The following MRPS18B variants were observed in gnomAD, a reference collection of about 807,000 sequenced individuals.
MRPS18B encodes the protein small ribosomal subunit protein mS40.
A neutral mutation model predicts 28.4 loss-of-function variants in MRPS18B; 27 were observed. That is an observed-to-expected ratio of 0.95 (90% confidence interval 0.70 to 1.31). The LOEUF is 1.31. MRPS18B is among the 40% of genes most tolerant of loss of function. The pLI, the probability that MRPS18B is intolerant of heterozygous loss-of-function variation, is 0.00. For synonymous variants in MRPS18B, 118 were observed against 123.7 expected (o/e 0.95, Z 0.30); for missense variants, 343 against 335.9 (o/e 1.02, Z -0.17).
Position 30,620,005 on chromosome 6 carries a change from T to C in MRPS18B, c.354+16T>C. ...TGACTTTAGGGTAAGGAGAGTCTTTTCTTTTTAGGGTAAGAAAAATAAAGA... is the reference window on the plus strand; with the variant it reads ...TGACTTTAGGGTAAGGAGAGTCTTTCCTTTTTAGGGTAAGAAAAATAAAGA... On this transcript the variant is annotated intron_variant, in intron 4 of 6. Transcript: ENST00000259873. The C allele has an allele frequency of 2.5e-6, 4 of 1,611,770 alleles. No individual in the cohort carries two copies. The highest frequency in any genetic ancestry group is 3.4e-6 in the Non-Finnish European group (4 of 1,177,930).
At chr6:30,618,073 T>G in intron 1 of MRPS18B, 130 bp downstream of exon 1, 1 of 834,046 alleles carries the variant, frequency 1.2e-6, no homozygotes, top group Non-Finnish European at 1.9e-6. Context: ...CAGTACTTCC[T>G]GCAACCCCCC....
In MRPS18B at chr6:30,619,586, T is replaced by C. The variant is rs762025472; in HGVS notation, c.172T>C (p.Tyr58His). 1.2e-6 allele frequency: 2 copies of C among 1,612,760 alleles called. No individual in the cohort carries two copies. The highest frequency in any genetic ancestry group is 3.3e-5 in the Admixed American group (2 of 60,014). ...ISPYKDEPWK[Y>H]LESEEYQERY... ...TCCTTATAAGGATGAGCCCTGGAAA[T>C]ATCTGGAATCAGAAGGTACCTCTAA... Residue 58 changes from tyrosine (Y) to histidine (H), a missense_variant, in exon 2 of 7, where the codon TAT (tyrosine) becomes CAT (histidine). Coordinates refer to ENST00000259873, the MANE Select transcript of MRPS18B (RefSeq NM_014046.4).
chr6:30,620,345 A>G (rs578168995), intron 4 of MRPS18B, among the ~76,000 whole-genome samples: 1 of 151,988 alleles, frequency 6.6e-6, no homozygotes, highest in Non-Finnish European at 1.5e-5. Context: ...AATAAAAAAA[A>G]TTAAAAAGAA....
intron 6 of MRPS18B, 96 bp downstream of exon 6, chr6:30,625,038 A>G (rs1761415441): frequency 2.3e-6 from 3 of 1,325,936 alleles, no homozygotes; most frequent in Non-Finnish European, 3.2e-6. Flanking sequence ...CCTGTTCAAG[A>G]TGGTAGCACC....
chr6:30,625,046 A>AC, intron 6 of MRPS18B, 104 bp downstream of exon 6: 1 of 1,244,664 alleles, frequency 8.0e-7, no homozygotes, highest in Middle Eastern at 1.9e-4. Flanking sequence ...AGATGGTAGC[A>AC]CCCAGCATGT....
Position 30,625,670 on chromosome 6 carries a change from G to A in MRPS18B, c.650G>A (p.Arg217His), listed in dbSNP as rs974405067. 15 of 1,612,888 alleles carry A rather than the reference G, an allele frequency of 9.3e-6. No homozygotes were observed. The highest frequency in any genetic ancestry group is 1.6e-4 in the Middle Eastern group (1 of 6,084). Residue 217 changes from arginine to histidine, a missense_variant, in exon 7 of 7, where the codon CGC becomes CAC. Arg to His is a conservative substitution (Grantham distance 29, BLOSUM62 0). Transcript: ENST00000259873. ...QPPERELSRLRRLYQGHLQEE... is the reference protein window; with the variant it reads ...QPPERELSRLHRLYQGHLQEE... ...CCGGAGAGAGAACTGTCTCGCCTTC[G>A]CCGGCTTTACCAGGGTCATCTCCAA...
chr6:30,621,962 C>T (rs948584955), intron 4 of MRPS18B, among the ~76,000 whole-genome samples: 1 of 151,950 alleles, frequency 6.6e-6, no homozygotes, highest in East Asian at 1.9e-4. Context: ...CAAAACAAAA[C>T]AGAGATTATA....
rs544685239 is a variant in MRPS18B, at chr6:30,622,692, G to A, written c.355-140G>A. ...TGATGAAGCCAAACTGGGACATGAA[G>A]GAGGATGGCATCTGGAGAGCTGTAG... On this transcript the variant is annotated intron_variant, in intron 4 of 6. Transcript: ENST00000259873. The A allele has an allele frequency of 1.1e-4, 80 of 716,924 alleles. No individual in the cohort carries two copies. In the South Asian group the frequency reaches 1.2e-3, roughly 11 times the overall value. 44.4% of individuals were successfully genotyped at this position (716,924 alleles called of 1,614,324 possible).
intron 6 of MRPS18B, 45 bp downstream of exon 6, chr6:30,624,987 G>A (rs1319409228): frequency 6.2e-7 from 1 of 1,604,726 alleles, no homozygotes; most frequent in Non-Finnish European, 8.5e-7. Context: ...TAGGTATAAG[G>A]AAGATGACTT....
intron 6 of MRPS18B, 103 bp downstream of exon 6, chr6:30,625,045 C>T: frequency 8.0e-7 from 1 of 1,256,748 alleles, no homozygotes; most frequent in Non-Finnish European, 1.1e-6. Context: ...AAGATGGTAG[C>T]ACCCAGCATG....
chr6:30,622,907 A>C lies in MRPS18B; in HGVS notation c.421+9A>C, dbSNP rs1461533322. On this transcript the variant is annotated intron_variant, in intron 5 of 6. Transcript: ENST00000259873. ...CTATGCTCCATACACAGGTTAGCCCATCATCCCTGCACCACCAGAGAGCTT... is the reference window on the plus strand; with the variant it reads ...CTATGCTCCATACACAGGTTAGCCCCTCATCCCTGCACCACCAGAGAGCTT... 3.1e-6 allele frequency: 5 copies of C among 1,612,310 alleles called. No homozygotes were observed. Among genetic ancestry groups the C allele is most frequent in the Non-Finnish European group, 4.2e-6 (5 of 1,179,464 alleles).
At chr6:30,622,951 GT>G in intron 5 of MRPS18B, 53 bp downstream of exon 5, 1 of 1,562,260 alleles carries the variant, frequency 6.4e-7, no homozygotes, top group Non-Finnish European at 8.8e-7. Context: ...GGCATGCCTT[GT>G]TTATGTAGTT....
At chr6:30,618,540 C>CCAGT (rs1240389316) in intron 1 of MRPS18B, 1 of 152,994 alleles carries the variant, frequency 6.5e-6, no homozygotes, top group African/African-American at 2.4e-5. Flanking sequence ...AGGTTTCCCT[C>CCAGT]CAGTCTTGTG....
At chr6:30,624,126 C>CT (rs1761338580) in intron 5 of MRPS18B, among the ~76,000 whole-genome samples, 1 of 150,806 alleles carries the variant, frequency 6.6e-6, no homozygotes, top group Non-Finnish European at 1.5e-5. Context: ...CTCATTTACT[C>CT]TGTCACCCAA....
intron 1 of MRPS18B, 86 bp from the exon 2 acceptor site, chr6:30,619,407 C>A: frequency 9.5e-7 from 1 of 1,051,344 alleles, no homozygotes; most frequent in Non-Finnish European, 1.4e-6. Context: ...AGTATGTGTG[C>A]ATTCCTCCTT....
chr6:30,624,472 T>C (rs1355239065), intron 5 of MRPS18B, among the ~76,000 whole-genome samples: 4 of 152,224 alleles, frequency 2.6e-5, no homozygotes, highest in African/African-American at 9.6e-5. Context: ...GAGTTTCTTA[T>C]AGTCAAGCTG....
At chr6:30,620,467 T>G (rs903415872) in intron 4 of MRPS18B, among the ~76,000 whole-genome samples, 1 of 152,182 alleles carries the variant, frequency 6.6e-6, no homozygotes, top group African/African-American at 2.4e-5. Flanking sequence ...TTTCTGGCAT[T>G]ATAAAAACAT....
chr6:30,622,915 T>C lies in MRPS18B; in HGVS notation c.421+17T>C. 1.2e-6 allele frequency: 2 copies of C among 1,611,322 alleles called. No individual in the cohort carries two copies. The highest frequency in any genetic ancestry group is 1.3e-5 in the African/African-American group (1 of 74,996). On this transcript the variant is annotated intron_variant, in intron 5 of 6. Transcript: ENST00000259873. ...CATACACAGGTTAGCCCATCATCCCTGCACCACCAGAGAGCTTTTCCTTGT... is the reference window on the plus strand; with the variant it reads ...CATACACAGGTTAGCCCATCATCCCCGCACCACCAGAGAGCTTTTCCTTGT...
In MRPS18B at chr6:30,619,821, G is replaced by C. The variant is rs141946741; in HGVS notation, c.285+15G>C. The C allele has an allele frequency of 5.6e-6, 9 of 1,613,340 alleles. No individual in the cohort carries two copies. The highest frequency in any genetic ancestry group is 7.6e-6 in the Non-Finnish European group (9 of 1,179,336). ...AGACATGTATTGTGAGTTTCTGAGAGTGGGATGTGGAGTGCGGGGAGGCCA... is the reference window on the plus strand; with the variant it reads ...AGACATGTATTGTGAGTTTCTGAGACTGGGATGTGGAGTGCGGGGAGGCCA... On this transcript the variant is annotated intron_variant, in intron 3 of 6. Coordinates refer to ENST00000259873, the MANE Select transcript of MRPS18B (RefSeq NM_014046.4).
Sources: allele counts gnomAD v4.1 joint callset (sites outside exome capture counted in the v4.1 genomes callset), GRCh38; gene constraint gnomAD v4.1.1; transcripts MANE v1.5; gene names NCBI Gene and HGNC (gene_info 2026-07-23, HGNC 2026-07-21).